ITCH: variants seen among roughly 807,000 people sequenced by gnomAD.
ITCH encodes the protein E3 ubiquitin-protein ligase Itchy homolog.
Under a neutral mutation model 126.8 loss-of-function variants are expected in ITCH, and 28 were observed. The observed-to-expected ratio is 0.22, with a 90% CI of 0.16 to 0.30. ITCH has a LOEUF of 0.30. ITCH is among the 10% of genes least tolerant of loss of function. ITCH has a pLI of 1.00. For synonymous variants in ITCH, 342 were observed against 340.0 expected (o/e 1.01, Z -0.06); for missense variants, 631 against 1,032.4 (o/e 0.61, Z 5.33).
intron 9 of ITCH, among the ~76,000 whole-genome samples, chr20:34,441,018 A>G (rs1331466109): frequency 6.6e-6 from 1 of 152,002 alleles, no homozygotes; most frequent in Non-Finnish European, 1.5e-5. Flanking sequence ...CGCCTGTAAT[A>G]CCAGCATTTT....
intron 6 of ITCH, chr20:34,416,999 T>A: frequency 2.2e-6 from 1 of 458,752 alleles, no homozygotes; most frequent in Non-Finnish European, 4.1e-6. Flanking sequence ...AACCTCTGCC[T>A]CCTGGGTTCA....
chr20:34,445,291 G>T lies in ITCH; in HGVS notation c.970G>T (p.Glu324Ter). 6.2e-7 allele frequency: 1 copy of T among 1,607,184 alleles called. No homozygotes were observed. The highest frequency in any genetic ancestry group is 8.5e-7 in the Non-Finnish European group (1 of 1,177,288). The change falls in exon 11 of 25, where the codon GAA becomes TAA. Residue 324 changes from glutamate (E) to a stop codon, truncating the protein, a stop_gained. Transcript: ENST00000374864. LOFTEE classifies it high-confidence loss of function. ...TTTTTTTTTTTTCTGATTTAGCTGG[G>T]AACGGCGGGTTGACAACATGGGACG... is the stretch of plus-strand genomic sequence containing the variant. ...DRPEPLPPGW[E>*]RRVDNMGRIY... is the part of the protein sequence containing the mutation.
At chr20:34,484,198 T>C (rs1988955440) in intron 20 of ITCH, among the ~76,000 whole-genome samples, 1 of 152,246 alleles carries the variant, frequency 6.6e-6, no homozygotes, top group African/African-American at 2.4e-5. Context: ...TTTTATAGTA[T>C]ATCCTTTCTG....
intron 3 of ITCH, among the ~76,000 whole-genome samples, chr20:34,399,424 A>G (rs1386611550): frequency 6.6e-6 from 1 of 152,142 alleles, no homozygotes; most frequent in Non-Finnish European, 1.5e-5. Context: ...AAATAAACAA[A>G]TGTCACCATG....
chr20:34,474,861 G>C (rs1988006585), intron 16 of ITCH, among the ~76,000 whole-genome samples: 1 of 151,940 alleles, frequency 6.6e-6, no homozygotes, highest in South Asian at 2.1e-4. Flanking sequence ...TTCCCAGACG[G>C]GGCGGCTGCC....
At chr20:34,410,670 C>T (rs77223796) in intron 4 of ITCH, among the ~76,000 whole-genome samples, 18 of 152,074 alleles carry the variant, frequency 1.2e-4, no homozygotes, top group Non-Finnish European at 2.2e-4. Flanking sequence ...GGCAAAGTAG[C>T]GAGTTCCCAT....
At chr20:34,380,393 A>G (rs2146017936) in intron 2 of ITCH, among the ~76,000 whole-genome samples, 1 of 152,178 alleles carries the variant, frequency 6.6e-6, no homozygotes, top group South Asian at 2.1e-4. Flanking sequence ...GTGATTTTAA[A>G]TCATGAAATT....
chr20:34,400,647 T>TTTC (rs1491394871), intron 3 of ITCH, among the ~76,000 whole-genome samples: 7 of 29,468 alleles, frequency 2.4e-4, no homozygotes, highest in African/African-American at 7.8e-4. Flanking sequence ...AAAATTTTTC[T>TTTC]TTTTTTTTTT....
chr20:34,497,555 AG>A (rs1411743377), intron 23 of ITCH, among the ~76,000 whole-genome samples: 25 of 152,098 alleles, frequency 1.6e-4, no homozygotes, highest in African/African-American at 5.8e-4. Flanking sequence ...ATTTCTGTGA[AG>A]AATGTCATTG....
chr20:34,425,569 G>A lies in ITCH; in HGVS notation c.521+1044G>A, dbSNP rs115790949. ...TTCTATTCTGAGATAGGAGAAAACC[G>A]CCCCGTGGCTGGAGGTGAGATATGC... is the stretch of plus-strand genomic sequence containing the variant. On this transcript the variant is annotated intron_variant, in intron 7 of 24. Coordinates refer to ENST00000374864, the MANE Select transcript of ITCH (RefSeq NM_031483.7). 7.6e-3 allele frequency among the ~76,000 whole-genome samples: 1,151 copies of A among 152,308 alleles called. 16 individuals carry two copies. The highest frequency in any genetic ancestry group is 0.027 in the African/African-American group (1,106 of 41,572).
chr20:34,479,154 C>T (rs149652774), intron 17 of ITCH, among the ~76,000 whole-genome samples: 23 of 152,202 alleles, frequency 1.5e-4, no homozygotes, highest in Admixed American at 3.3e-4. Flanking sequence ...ATTGATTTAA[C>T]GTGTAGGGAG....
chr20:34,433,003 A>G (rs1284899528), intron 7 of ITCH, among the ~76,000 whole-genome samples: 1 of 147,010 alleles, frequency 6.8e-6, no homozygotes, highest in African/African-American at 2.5e-5. Flanking sequence ...AAAAGAAACA[A>G]TTTAGGCCGG....
intron 15 of ITCH, 128 bp from the exon 16 acceptor site, chr20:34,471,316 T>C: frequency 1.5e-6 from 1 of 683,194 alleles, no homozygotes. Flanking sequence ...TTATTGAATA[T>C]AAATTTATAT....
chr20:34,415,371 C>T (rs953932932), intron 6 of ITCH, among the ~76,000 whole-genome samples: 2 of 151,854 alleles, frequency 1.3e-5, no homozygotes, highest in Non-Finnish European at 2.9e-5. Context: ...CCAGCCTAGG[C>T]AACATAACAA....
At chr20:34,457,545 C>A in intron 13 of ITCH, 71 bp downstream of exon 13, 1 of 1,058,182 alleles carries the variant, frequency 9.5e-7, no homozygotes, top group Non-Finnish European at 1.4e-6. Flanking sequence ...TGAAGAAGAT[C>A]AAAGTTCATA....
intron 12 of ITCH, among the ~76,000 whole-genome samples, chr20:34,454,768 CAAGT>C (rs919423874): frequency 1.6e-4 from 24 of 148,988 alleles, no homozygotes; most frequent in Middle Eastern, 3.5e-3. Context: ...CAGATGATCT[CAAGT>C]GTTAATTTGA....
intron 6 of ITCH, among the ~76,000 whole-genome samples, chr20:34,422,219 A>G (rs1410279609): frequency 1.3e-5 from 2 of 152,342 alleles, no homozygotes; most frequent in East Asian, 3.9e-4. Context: ...CAGGAAGTCA[A>G]GTGTACTTTT....
Position 34,440,032 on chromosome 20 carries a change from C to G in ITCH, c.680-123C>G, listed in dbSNP as rs2146285397. 8.7e-6 allele frequency: 6 copies of G among 689,832 alleles called. No individual in the cohort carries two copies. In the South Asian group the frequency reaches 1.1e-4, roughly 12 times the overall value. The allele number at this position is 689,832 out of a possible 1,614,324, so 42.7% of individuals were successfully genotyped here. On this transcript the variant is annotated intron_variant, in intron 8 of 24. Coordinates refer to ENST00000374864, the MANE Select transcript of ITCH (RefSeq NM_031483.7). Reference sequence around the variant, plus strand: ...TACTTATTTCTTTAAGTAATTTTCACCTGTGCATCTACATCTTAAGTTTTA... The same window carrying G: ...TACTTATTTCTTTAAGTAATTTTCAGCTGTGCATCTACATCTTAAGTTTTA...
At chr20:34,420,664 G>T (rs1024778315) in intron 6 of ITCH, among the ~76,000 whole-genome samples, 4 of 151,900 alleles carry the variant, frequency 2.6e-5, no homozygotes, top group Admixed American at 6.6e-5. Flanking sequence ...AATTTTTTTT[G>T]ATACATAGGA....
Sources: allele counts gnomAD v4.1 joint callset (sites outside exome capture counted in the v4.1 genomes callset), GRCh38; gene constraint gnomAD v4.1.1; transcripts MANE v1.5; gene names NCBI Gene and HGNC (gene_info 2026-07-23, HGNC 2026-07-21).